Variants in RHBDL3 observed in about 807,000 individuals in gnomAD.
RHBDL3 encodes rhomboid like 3.
RHBDL3 carries 28 observed loss-of-function variants against 48.2 expected under a neutral mutation model. The ratio of observed to expected loss-of-function variants is 0.58; its 90% CI spans 0.43 to 0.80. The LOEUF (loss-of-function observed/expected upper bound fraction) is 0.80, where lower values mean the gene tolerates loss of function less well. Among genes scored for constraint, RHBDL3 ranks in the 30% least tolerant of loss-of-function variants. RHBDL3 has a pLI of 0.00. For missense variants in RHBDL3, 464 were observed against 542.7 expected (o/e 0.85, Z 1.44); for synonymous variants, 208 against 232.3 (o/e 0.90, Z 0.95).
chr17:32,277,284 C>G (rs1200903916), intron 2 of RHBDL3, among the ~76,000 whole-genome samples: 1 of 152,218 alleles, frequency 6.6e-6, no homozygotes, highest in Admixed American at 6.5e-5. Context: ...GAGGCAGAGA[C>G]CAGACGTGTG....
Position 32,267,801 on chromosome 17 carries a change from G to C in RHBDL3, c.112-101G>C, listed in dbSNP as rs1034905794. On this transcript the variant is annotated intron_variant, in intron 1 of 8. Coordinates refer to ENST00000269051, the MANE Select transcript of RHBDL3 (RefSeq NM_138328.3). ...ATGACTCCTGGGCAGCCGCTGGGAGGCTATGTCAGAAACATCCGAGGACTA... is the reference window on the plus strand; with the variant it reads ...ATGACTCCTGGGCAGCCGCTGGGAGCCTATGTCAGAAACATCCGAGGACTA... 4 of 1,597,488 alleles carry C rather than the reference G, an allele frequency of 2.5e-6. No individual in the cohort carries two copies. The African/African-American group carries it at 5.4e-5, about 21-fold the overall frequency.
chr17:32,290,631 A>G (rs937951342), intron 4 of RHBDL3, among the ~76,000 whole-genome samples: 2 of 152,182 alleles, frequency 1.3e-5, no homozygotes, highest in Non-Finnish European at 2.9e-5. Context: ...CCAGCAAGCA[A>G]TAAGAAACAG....
At chr17:32,300,592 T>A (rs1342904163) in intron 6 of RHBDL3, among the ~76,000 whole-genome samples, 1 of 152,140 alleles carries the variant, frequency 6.6e-6, no homozygotes, top group Non-Finnish European at 1.5e-5. Context: ...GAGACCTTAA[T>A]AGATGTCTGG....
At chr17:32,277,421 T>C (rs533756462) in intron 2 of RHBDL3, among the ~76,000 whole-genome samples, 79 of 152,316 alleles carry the variant, frequency 5.2e-4, no homozygotes, top group African/African-American at 1.8e-3. Flanking sequence ...GCCTGGCTCA[T>C]GGGCCTGCAG....
chr17:32,294,503 T>A, intron 5 of RHBDL3, 61 bp downstream of exon 5: 1 of 1,451,594 alleles, frequency 6.9e-7, no homozygotes, highest in South Asian at 1.4e-5. Flanking sequence ...GTGGTCAAGA[T>A]AGCCTGGATT....
chr17:32,323,515 T>C lies in RHBDL3; in HGVS notation c.*2286T>C, dbSNP rs1388993794. ...GTCCTGGCCCCTGGGGATTCTGTGG[T>C]GTGGGTGGAATGAGCAGAGTGCCAC... On this transcript the variant is annotated 3_prime_UTR_variant, in exon 9 of 9. Transcript: ENST00000269051. The C allele has an allele frequency of 1.3e-5, 2 of 152,380 alleles. No individual in the cohort carries two copies. The highest frequency in any genetic ancestry group is 4.8e-5 in the African/African-American group (2 of 41,384). The allele number at this position is 152,380 out of a possible 1,614,324, so 9.4% of individuals were successfully genotyped here.
At chr17:32,312,554 T>C (rs1316786526) in intron 7 of RHBDL3, among the ~76,000 whole-genome samples, 1 of 152,090 alleles carries the variant, frequency 6.6e-6, no homozygotes, top group African/African-American at 2.4e-5. Flanking sequence ...AGTCTCACCC[T>C]TTGCCCAGGC....
intron 2 of RHBDL3, among the ~76,000 whole-genome samples, chr17:32,278,498 G>C (rs1597620530): frequency 6.6e-6 from 1 of 152,154 alleles, no homozygotes; most frequent in East Asian, 1.9e-4. Flanking sequence ...TAAAACGAGT[G>C]GGATGCCTGG....
At chr17:32,269,441 G>A (rs1319101806) in intron 2 of RHBDL3, among the ~76,000 whole-genome samples, 5 of 152,260 alleles carry the variant, frequency 3.3e-5, no homozygotes, top group African/African-American at 4.8e-5. Context: ...GGAGCCAGCC[G>A]GTTGCAGATG....
intron 6 of RHBDL3, among the ~76,000 whole-genome samples, chr17:32,299,289 G>C (rs2040528622): frequency 6.6e-6 from 1 of 152,114 alleles, no homozygotes; most frequent in African/African-American, 2.4e-5. Context: ...ACACGAGGCT[G>C]GTCTGCTAGT....
chr17:32,302,387 T>C (rs2040603865), intron 6 of RHBDL3, among the ~76,000 whole-genome samples: 2 of 152,062 alleles, frequency 1.3e-5, no homozygotes, highest in African/African-American at 4.8e-5. Context: ...GACGAAGTCT[T>C]GCTCTGTCAT....
At chr17:32,288,691 C>T (rs557598425) in intron 3 of RHBDL3, 101 bp from the exon 4 acceptor site, 18 of 759,174 alleles carry the variant, frequency 2.4e-5, no homozygotes, top group Middle Eastern at 3.8e-4. Context: ...AAGGGAAATG[C>T]GGGGTCAGGC....
chr17:32,292,571 G>A (rs2040354934), intron 4 of RHBDL3, among the ~76,000 whole-genome samples: 1 of 152,132 alleles, frequency 6.6e-6, no homozygotes, highest in African/African-American at 2.4e-5. Flanking sequence ...TTGTGAGGCT[G>A]AAGAAGGTGG....
intron 7 of RHBDL3, among the ~76,000 whole-genome samples, chr17:32,308,732 G>A (rs1441740270): frequency 6.6e-6 from 1 of 152,208 alleles, no homozygotes; most frequent in African/African-American, 2.4e-5. Flanking sequence ...AATTAGTTCA[G>A]TGCTAAGCAG....
chr17:32,267,588 C>T (rs560307557), intron 1 of RHBDL3: 2 of 180,868 alleles, frequency 1.1e-5, no homozygotes, highest in South Asian at 1.9e-4. Context: ...CATATTTGGA[C>T]GCCTTTATTT....
rs1321431011 is a variant in RHBDL3, at chr17:32,309,794, T to A, written c.882+4353T>A. 2.3e-4 allele frequency among the ~76,000 whole-genome samples: 33 copies of A among 142,122 alleles called. 1 individual carries two copies. The Admixed American group carries it at 2.3e-3, about 10-fold the overall frequency. 93.2% of individuals were successfully genotyped at this position (142,122 alleles called of 152,430 possible). On this transcript the variant is annotated intron_variant, in intron 7 of 8. Coordinates refer to ENST00000269051, the MANE Select transcript of RHBDL3 (RefSeq NM_138328.3). ...TCTTTTTTTTTTTTTTTTTTTTTTTTTTTGAGACAGGGTTTCGCTGTGTCA... is the reference window on the plus strand; with the variant it reads ...TCTTTTTTTTTTTTTTTTTTTTTTTATTTGAGACAGGGTTTCGCTGTGTCA...
intron 4 of RHBDL3, among the ~76,000 whole-genome samples, chr17:32,293,671 G>A (rs924431057): frequency 2.6e-5 from 4 of 152,038 alleles, no homozygotes; most frequent in East Asian, 1.9e-4. Context: ...TGTGGAATTC[G>A]TCATCTCCCA....
In RHBDL3 at chr17:32,305,333, T is replaced by C. The variant is rs1190171223; in HGVS notation, c.782-8T>C. The C allele has an allele frequency of 5.0e-6, 8 of 1,604,156 alleles. No individual in the cohort carries two copies. The highest frequency in any genetic ancestry group is 6.8e-6 in the Non-Finnish European group (8 of 1,171,056). On this transcript the variant is annotated splice_polypyrimidine_tract_variant and splice_region_variant and intron_variant, in intron 6 of 8. Transcript: ENST00000269051. ...CTCCTGAGAATTCTCGCTGTCTTTC[T>C]GTACTAGGGTCCTTGGCAGTGTCTG...
intron 2 of RHBDL3, among the ~76,000 whole-genome samples, chr17:32,279,460 C>A (rs1032289449): frequency 6.6e-6 from 1 of 152,176 alleles, no homozygotes; most frequent in Non-Finnish European, 1.5e-5. Flanking sequence ...AGTTTCCCTC[C>A]TGCTCCGTGA....
Sources: allele counts gnomAD v4.1 joint callset (sites outside exome capture counted in the v4.1 genomes callset), GRCh38; gene constraint gnomAD v4.1.1; transcripts MANE v1.5; gene names NCBI Gene and HGNC (gene_info 2026-07-23, HGNC 2026-07-21).